SLC25A35: variants seen among roughly 807,000 people sequenced by gnomAD.
SLC25A35 encodes solute carrier family 25, member 35.
In SLC25A35, 32 loss-of-function variants were observed where a neutral mutation model predicts 30.5. The observed-to-expected ratio is 1.05, with a 90% confidence interval of 0.79 to 1.41. SLC25A35 has a LOEUF of 1.41. SLC25A35 is among the 40% of genes most tolerant of loss of function. The pLI is 0.00. For missense variants in SLC25A35, 369 were observed against 388.0 expected (o/e 0.95, Z 0.41); for synonymous variants, 142 against 158.1 (o/e 0.90, Z 0.77).
rs1456909050 is a variant in SLC25A35 at position 8,290,151 on chromosome 17, T to G, written c.*354A>C. The stretch of plus-strand genomic sequence containing the variant: ...GTCCCAGACGCCTGGGAATTGGGTC[T>G]CTCGATTCCCTTTGGTTTTGGAGGG... On this transcript the variant is annotated 3_prime_UTR_variant, in exon 5 of 5. Transcript: ENST00000577745. The G allele has an allele frequency of 1.4e-6, 2 of 1,445,594 alleles. No individual in the cohort carries two copies. Among genetic ancestry groups the G allele is most frequent in the African/African-American group, 2.9e-5 (2 of 69,894 alleles). The allele number at this position is 1,445,594 out of a possible 1,614,324, so 89.5% of individuals were successfully genotyped here.
downstream of SLC25A35, chr17:8,288,797 C>A: frequency 6.2e-7 from 1 of 1,614,144 alleles, no homozygotes; most frequent in Non-Finnish European, 8.5e-7. Flanking sequence ...CCATGGAGCC[C>A]ACGAGAGACT....
intron 1 of SLC25A35, among the ~76,000 whole-genome samples, chr17:8,293,021 C>G (rs1990614063): frequency 6.6e-6 from 1 of 152,236 alleles, no homozygotes; most frequent in Non-Finnish European, 1.5e-5. Flanking sequence ...CCAACCCCCA[C>G]AGAGGTATCG....
chr17:8,289,101 G>A, downstream of SLC25A35: 1 of 1,609,024 alleles, frequency 6.2e-7, no homozygotes, highest in Non-Finnish European at 8.5e-7. Flanking sequence ...GCTGGCCAAT[G>A]GCAGGGGCGG....
At chr17:8,289,724 T>C (rs1178232509), downstream of SLC25A35, 1 of 1,613,878 alleles carries the variant, frequency 6.2e-7, no homozygotes, top group Non-Finnish European at 8.5e-7. Context: ...GGGTAACTGA[T>C]ACCCAGGTCC....
intron 1 of SLC25A35, among the ~76,000 whole-genome samples, chr17:8,294,117 G>A (rs969359861): frequency 3.3e-5 from 5 of 151,182 alleles, no homozygotes; most frequent in Admixed American, 2.0e-4. Flanking sequence ...GGGTTTCACT[G>A]TGTTAGCCAG....
chr17:8,288,778 G>A, downstream of SLC25A35: 1 of 1,613,972 alleles, frequency 6.2e-7, no homozygotes, highest in East Asian at 2.2e-5. Flanking sequence ...CCATAACCCA[G>A]CCTCAGACCC....
At chr17:8,289,070 G>T, downstream of SLC25A35, 2 of 1,613,416 alleles carry the variant, frequency 1.2e-6, no homozygotes, top group Non-Finnish European at 1.7e-6. Flanking sequence ...AAGCGGCTGC[G>T]CGGTGAGGGA....
intron 1 of SLC25A35, among the ~76,000 whole-genome samples, chr17:8,293,552 C>CTTTTTT (rs3033783): frequency 7.7e-6 from 1 of 129,194 alleles, no homozygotes; most frequent in South Asian, 2.4e-4. Flanking sequence ...TCTTTCTTTT[C>CTTTTTT]TTTTTTTTTT....
At chr17:8,289,457 G>A, downstream of SLC25A35, 2 of 1,614,098 alleles carry the variant, frequency 1.2e-6, no homozygotes, top group South Asian at 1.1e-5. Context: ...GGGCGGTAGC[G>A]GGGACGCAGA....
chr17:8,290,977 C>T lies in SLC25A35; in HGVS notation c.595-1G>A, dbSNP rs1443170884. On this transcript the variant is annotated splice_acceptor_variant, in intron 3 of 4. Coordinates refer to ENST00000577745, the MANE Select transcript of SLC25A35 (RefSeq NM_001320870.2). LOFTEE classifies it high-confidence loss of function. The stretch of plus-strand genomic sequence containing the variant: ...ACTTCCAGCTCTGGGGAGGAAAGAT[C>T]TAAGGGGGTAGAGAGGAAGAGCGTT... The T allele has an allele frequency of 2.5e-6, 4 of 1,614,004 alleles. No homozygotes were observed. The South Asian group carries it at 3.3e-5, about 13-fold the overall frequency.
At chr17:8,289,040 G>A (rs1597440357), downstream of SLC25A35, 5 of 1,613,942 alleles carry the variant, frequency 3.1e-6, no homozygotes, top group Middle Eastern at 1.6e-4. Context: ...TTCTCGAGCT[G>A]CAGGCCCACG....
downstream of SLC25A35, chr17:8,288,079 T>A (rs1203006683): frequency 6.5e-6 from 1 of 153,556 alleles, no homozygotes; most frequent in African/African-American, 2.4e-5. Context: ...TGGGCCCCTT[T>A]GACGAGCACC....
downstream of SLC25A35, chr17:8,289,550 G>T: frequency 6.2e-7 from 1 of 1,614,066 alleles, no homozygotes; most frequent in Non-Finnish European, 8.5e-7. Context: ...GGCTGCCCCA[G>T]TACCAGACTG....
chr17:8,289,964 T>C (rs1990354847), downstream of SLC25A35: 1 of 1,613,876 alleles, frequency 6.2e-7, no homozygotes, highest in Non-Finnish European at 8.5e-7. Context: ...ATGATGTTGC[T>C]GAGAACTTGG....
chr17:8,288,538 A>G (rs889526661), downstream of SLC25A35: 16 of 587,004 alleles, frequency 2.7e-5, no homozygotes, highest in East Asian at 5.8e-5. Context: ...ACCCCAAGGC[A>G]GACCCCACCG....
rs1377021152 is a variant in SLC25A35, at chr17:8,290,620, A to G, written c.788T>C (p.Ile263Thr). 6.5e-7 allele frequency: 1 copy of G among 1,538,314 alleles called. No homozygotes were observed. The highest frequency in any genetic ancestry group is 8.7e-7 in the Non-Finnish European group (1 of 1,147,762). Residue 263 changes from isoleucine (I) to threonine (T), a missense_variant, in exon 5 of 5, where the codon ATT becomes ACT. Transcript: ENST00000577745. ...ALLQTARTEGIFGMYKGIGAS... is the reference protein window; with the variant it reads ...ALLQTARTEGTFGMYKGIGAS... ...ACCTATACCCTTGTACATGCCAAAA[A>G]TGCCCTCGGTCCGAGCTGTCTGCAG...
At chr17:8,290,821 C>A in intron 4 of SLC25A35, 21 bp downstream of exon 4, 1 of 1,609,648 alleles carries the variant, frequency 6.2e-7, no homozygotes, top group South Asian at 1.1e-5. Context: ...TTCCCGCCTG[C>A]ATCCCAGAGC....
chr17:8,290,385 G>A lies in SLC25A35; in HGVS notation c.*120C>T, dbSNP rs1567658986. On this transcript the variant is annotated 3_prime_UTR_variant, in exon 5 of 5. Coordinates refer to ENST00000577745, the MANE Select transcript of SLC25A35 (RefSeq NM_001320870.2). ...TCAACCCTGAGAACAGATGGGGAGT[G>A]GGGTTGGCTGTCCCCCATGGATGGA... is the stretch of plus-strand genomic sequence containing the variant. 40 of 1,461,686 alleles carry A rather than the reference G, an allele frequency of 2.7e-5. No individual in the cohort carries two copies. The highest frequency in any genetic ancestry group is 4.2e-5 in the South Asian group (3 of 71,512). 90.5% of individuals were successfully genotyped at this position (1,461,686 alleles called of 1,614,324 possible).
At chr17:8,293,119 G>A (rs1201772831) in intron 1 of SLC25A35, among the ~76,000 whole-genome samples, 6 of 152,170 alleles carry the variant, frequency 3.9e-5, no homozygotes, top group South Asian at 2.1e-4. Context: ...CTACTTCCCC[G>A]TCTCTTTTGC....
Sources: gnomAD v4.1 joint callset for allele counts (sites outside exome capture counted in the v4.1 genomes callset) on GRCh38, gnomAD v4.1.1 for gene constraint, MANE v1.5 for transcripts, NCBI Gene and HGNC (gene_info 2026-07-23, HGNC 2026-07-21) for gene names.